Variants in ARHGAP24 observed in about 807,000 individuals in gnomAD.
ARHGAP24 encodes the protein Rho GTPase activating protein 24, also known as rho GTPase-activating protein 24.
Under a neutral mutation model 76.4 loss-of-function variants are expected in ARHGAP24, and 50 were observed. The ratio of observed to expected loss-of-function variants is 0.65; its 90% CI spans 0.52 to 0.83. The LOEUF (loss-of-function observed/expected upper bound fraction) is 0.83, where lower values mean the gene tolerates loss of function less well. Ranked by LOEUF, ARHGAP24 falls within the 40% of genes least tolerant of loss-of-function variation. The pLI is 0.00. For synonymous variants in ARHGAP24, 345 were observed against 323.3 expected (o/e 1.07, Z -0.72); for missense variants, 930 against 914.2 (o/e 1.02, Z -0.22).
intron 5 of ARHGAP24, among the ~76,000 whole-genome samples, chr4:85,965,058 C>T (rs1282429011): frequency 2.0e-5 from 3 of 152,036 alleles, no homozygotes; most frequent in Non-Finnish European, 4.4e-5. Flanking sequence ...TTTGGTAAAG[C>T]TGGGCACTAT....
chr4:85,823,535 T>C (rs1560652459), intron 3 of ARHGAP24, among the ~76,000 whole-genome samples: 1 of 152,164 alleles, frequency 6.6e-6, no homozygotes, highest in Non-Finnish European at 1.5e-5. Flanking sequence ...GAACCCCACA[T>C]GCAGTGTTTT....
At chr4:85,818,686 G>C (rs539157548) in intron 3 of ARHGAP24, among the ~76,000 whole-genome samples, 1 of 152,308 alleles carries the variant, frequency 6.6e-6, no homozygotes, top group South Asian at 2.1e-4. Flanking sequence ...CAGGACTTTA[G>C]TGAGAAGTTG....
At chr4:85,539,138 C>T (rs1026230907) in intron 1 of ARHGAP24, among the ~76,000 whole-genome samples, 9 of 152,024 alleles carry the variant, frequency 5.9e-5, no homozygotes, top group Non-Finnish European at 1.0e-4. Context: ...AGATCTGAAC[C>T]AAAACGATTT....
At chr4:85,695,635 T>C (rs906808283) in intron 2 of ARHGAP24, among the ~76,000 whole-genome samples, 1 of 152,158 alleles carries the variant, frequency 6.6e-6, no homozygotes, top group African/African-American at 2.4e-5. Context: ...ATGTTAAAAG[T>C]CTGAAGCTAA....
intron 2 of ARHGAP24, among the ~76,000 whole-genome samples, chr4:85,608,748 C>T (rs935664991): frequency 1.1e-4 from 17 of 151,722 alleles, no homozygotes; most frequent in Non-Finnish European, 1.8e-4. Flanking sequence ...TTAGTAGATA[C>T]GGGGTTTCAC....
At chr4:85,985,275 A>AT (rs1474285636) in intron 8 of ARHGAP24, among the ~76,000 whole-genome samples, 5 of 152,218 alleles carry the variant, frequency 3.3e-5, no homozygotes, top group Non-Finnish European at 7.3e-5. Context: ...AACATGGTAC[A>AT]TGTACACCAT....
At position 85,888,675 on chromosome 4, in the gene ARHGAP24, G is replaced by T. The variant is rs574089334; in HGVS notation, c.269-34973G>T. ...TACATGTGCAGGTTTGTTAACATAG[G>T]TAAACTTGTGTCATGGGGGGTTGTT... On this transcript the variant is annotated intron_variant, in intron 3 of 9. Transcript: ENST00000395184. Among the ~76,000 whole-genome samples, 280 of 152,060 alleles carry T rather than the reference G, an allele frequency of 1.8e-3. 3 individuals carry two copies. The highest frequency in any genetic ancestry group is 1.6e-3 in the Non-Finnish European group (111 of 67,972).
chr4:85,555,365 G>A (rs1726315724), intron 1 of ARHGAP24, among the ~76,000 whole-genome samples: 1 of 152,160 alleles, frequency 6.6e-6, no homozygotes, highest in Admixed American at 6.5e-5. Flanking sequence ...CTTTATTTGT[G>A]GCTGAGTTCT....
intron 4 of ARHGAP24, among the ~76,000 whole-genome samples, chr4:85,938,889 A>G (rs1736803089): frequency 6.6e-6 from 1 of 151,208 alleles, no homozygotes; most frequent in Non-Finnish European, 1.5e-5. Context: ...CAAATTATTT[A>G]TCCTAATGTG....
At chr4:85,833,081 G>A (rs1730078174) in intron 3 of ARHGAP24, among the ~76,000 whole-genome samples, 5 of 152,208 alleles carry the variant, frequency 3.3e-5, no homozygotes, top group South Asian at 2.1e-4. Context: ...TGCTGGGGCC[G>A]GACAAGTGTT....
At chr4:85,511,714 C>G (rs1454934376) in intron 1 of ARHGAP24, among the ~76,000 whole-genome samples, 1 of 152,188 alleles carries the variant, frequency 6.6e-6, no homozygotes, top group Non-Finnish European at 1.5e-5. Flanking sequence ...ATCCACCCGC[C>G]TCGGCCTCCC....
At chr4:85,906,304 G>A (rs1009367879) in intron 3 of ARHGAP24, among the ~76,000 whole-genome samples, 7 of 152,140 alleles carry the variant, frequency 4.6e-5, no homozygotes, top group Admixed American at 4.6e-4. Flanking sequence ...ATGTCATATG[G>A]CTGGAGATGG....
At chr4:85,989,798 T>TA (rs970953099) in intron 8 of ARHGAP24, among the ~76,000 whole-genome samples, 3 of 145,276 alleles carry the variant, frequency 2.1e-5, no homozygotes, top group East Asian at 3.9e-4. Context: ...CGGATGCAGA[T>TA]AAAAAAATTG....
Position 85,516,567 on chromosome 4 carries a change from A to G in ARHGAP24, c.-21+41008A>G, listed in dbSNP as rs1578196959. On this transcript the variant is annotated intron_variant, in intron 1 of 9. Transcript: ENST00000395184. ...AGAATTGCATATTTTCTTATGTTTAAGGGCCAAGAAATTTGTATGTATTTT... is the reference window on the plus strand; with the variant it reads ...AGAATTGCATATTTTCTTATGTTTAGGGGCCAAGAAATTTGTATGTATTTT... Among the ~76,000 whole-genome samples, 3 of 151,766 alleles carry G rather than the reference A, an allele frequency of 2.0e-5. No individual in the cohort carries two copies. The South Asian group carries it at 6.2e-4, about 31-fold the overall frequency.
intron 1 of ARHGAP24, among the ~76,000 whole-genome samples, chr4:85,511,129 G>A (rs1724266147): frequency 6.6e-6 from 1 of 152,080 alleles, no homozygotes; most frequent in South Asian, 2.1e-4. Flanking sequence ...ATAGAATTAA[G>A]CTATTTTAGA....
rs573451938 is a variant in ARHGAP24, at chr4:85,540,444, C to T, written c.-20-30078C>T. Among the ~76,000 whole-genome samples, 3 of 152,236 alleles carry T rather than the reference C, an allele frequency of 2.0e-5. No individual in the cohort carries two copies. The South Asian group carries it at 6.2e-4, about 32-fold the overall frequency. On this transcript the variant is annotated intron_variant, in intron 1 of 9. Coordinates refer to ENST00000395184, the MANE Select transcript of ARHGAP24 (RefSeq NM_001025616.3). ...CAAGATAGATGAATACAATAAAATCCTTGCCCTTGAGATGATACCAGTCTA... is the reference window on the plus strand; with the variant it reads ...CAAGATAGATGAATACAATAAAATCTTTGCCCTTGAGATGATACCAGTCTA...
At chr4:85,824,919 G>A (rs189178112) in intron 3 of ARHGAP24, among the ~76,000 whole-genome samples, 59 of 152,160 alleles carry the variant, frequency 3.9e-4, no homozygotes, top group African/African-American at 1.4e-3. Context: ...GAGAAACCCT[G>A]TCTCTACTAA....
intron 2 of ARHGAP24, among the ~76,000 whole-genome samples, chr4:85,664,515 A>T (rs1421439440): frequency 6.7e-6 from 1 of 149,844 alleles, no homozygotes; most frequent in African/African-American, 2.5e-5. Flanking sequence ...TATTTCCTTC[A>T]GTTCTGCTCT....
intron 3 of ARHGAP24, chr4:85,778,826 T>C (rs1245278292): frequency 1.0e-6 from 1 of 985,276 alleles, no homozygotes; most frequent in Non-Finnish European, 1.2e-6. Context: ...AAAGGAATGG[T>C]TTGTGTCCAA....
Sources: allele counts gnomAD v4.1 joint callset (sites outside exome capture counted in the v4.1 genomes callset), GRCh38; gene constraint gnomAD v4.1.1; transcripts MANE v1.5; gene names NCBI Gene and HGNC (gene_info 2026-07-23, HGNC 2026-07-21).